ATF7: variants seen among roughly 807,000 people sequenced by gnomAD.
The protein encoded by ATF7 is activating transcription factor 7.
A neutral mutation model predicts 50.4 loss-of-function variants in ATF7; 10 were observed. The observed-to-expected ratio is 0.20, with a 90% CI of 0.12 to 0.34. The LOEUF (loss-of-function observed/expected upper bound fraction) is 0.34, where lower values mean the gene tolerates loss of function less well. ATF7 is among the 10% of genes least tolerant of loss of function. ATF7 has a pLI of 1.00. For synonymous variants in ATF7, 201 were observed against 226.4 expected (o/e 0.89, Z 1.01); for missense variants, 465 against 613.9 (o/e 0.76, Z 2.56).
chr12:53,560,110 G>C (rs1378221358), intron 2 of ATF7, among the ~76,000 whole-genome samples: 1 of 151,928 alleles, frequency 6.6e-6, no homozygotes, highest in East Asian at 1.9e-4. Flanking sequence ...TTTTAGTAGA[G>C]ACAGGGTTTC....
chr12:53,551,900 T>G lies in ATF7; in HGVS notation c.145+641A>C, dbSNP rs1940380671. 3.9e-5 allele frequency among the ~76,000 whole-genome samples: 6 copies of G among 152,218 alleles called. No homozygotes were observed. The South Asian group carries it at 1.2e-3, about 31-fold the overall frequency. On this transcript the variant is annotated intron_variant, in intron 3 of 11. Transcript: ENST00000420353. The stretch of plus-strand genomic sequence containing the variant: ...CTAGCTGAAAATGGTACAGCAGAAT[T>G]GCTGCCTGGTTTGAGAGCAGTTGCT...
chr12:53,542,827 G>T, intron 4 of ATF7: 1 of 664,588 alleles, frequency 1.5e-6, no homozygotes, highest in Non-Finnish European at 1.9e-6. Flanking sequence ...TATCTTTAAT[G>T]CTTTGAATAA....
intron 2 of ATF7, among the ~76,000 whole-genome samples, chr12:53,571,620 A>G (rs1187711744): frequency 6.6e-6 from 1 of 151,282 alleles, no homozygotes; most frequent in Non-Finnish European, 1.5e-5. Context: ...TGGGCAACAC[A>G]GTGAGACTCC....
intron 1 of ATF7, among the ~76,000 whole-genome samples, chr12:53,604,419 T>C (rs1943522668): frequency 6.6e-6 from 1 of 152,234 alleles, no homozygotes; most frequent in African/African-American, 2.4e-5. Flanking sequence ...ATGGTCACTG[T>C]GTAAGAAAAC....
At chr12:53,520,184 A>G (rs1024587610) in intron 11 of ATF7, among the ~76,000 whole-genome samples, 1 of 152,018 alleles carries the variant, frequency 6.6e-6, no homozygotes, top group African/African-American at 2.4e-5. Flanking sequence ...CATTTCTATG[A>G]ACTGTAAATG....
Position 53,513,692 on chromosome 12 carries a change from A to T in ATF7, c.*3445T>A, listed in dbSNP as rs746732217. ...AAGGAAGTTATGAAAAAAGGAGAAA[A>T]CTGGCGGGGATAGCTGTATCAGGGG... On this transcript the variant is annotated 3_prime_UTR_variant, in exon 12 of 12. Coordinates refer to ENST00000420353, the MANE Select transcript of ATF7 (RefSeq NM_006856.3). 13 of 152,034 alleles carry T rather than the reference A, an allele frequency of 8.6e-5. No homozygotes were observed. The highest frequency in any genetic ancestry group is 1.5e-4 in the Non-Finnish European group (10 of 68,006). 9.4% of individuals were successfully genotyped at this position (152,034 alleles called of 1,614,324 possible). A position where few individuals can be genotyped will look rare whatever the true frequency, so the allele number is the denominator to read the frequency against.
intron 3 of ATF7, among the ~76,000 whole-genome samples, chr12:53,549,069 G>A (rs543957892): frequency 3.7e-4 from 56 of 152,090 alleles, no homozygotes; most frequent in African/African-American, 1.1e-3. Context: ...GGCAGATCTC[G>A]AGGTCAGGAG....
At chr12:53,532,917 A>G (rs1322330830) in intron 7 of ATF7, among the ~76,000 whole-genome samples, 1 of 152,216 alleles carries the variant, frequency 6.6e-6, no homozygotes, top group Non-Finnish European at 1.5e-5. Flanking sequence ...GAAAGCAACT[A>G]ATCAGTGGGC....
intron 2 of ATF7, among the ~76,000 whole-genome samples, chr12:53,560,067 C>T (rs1310346901): frequency 6.6e-6 from 1 of 152,074 alleles, no homozygotes; most frequent in Non-Finnish European, 1.5e-5. Flanking sequence ...GAATTACAGG[C>T]ACCTGCCACC....
At chr12:53,518,221 T>C (rs944304020) in intron 11 of ATF7, among the ~76,000 whole-genome samples, 1 of 152,258 alleles carries the variant, frequency 6.6e-6, no homozygotes, top group Non-Finnish European at 1.5e-5. Context: ...GTAAGTCTGA[T>C]AGATATCAAG....
At chr12:53,554,148 T>C (rs1278955453) in intron 2 of ATF7, among the ~76,000 whole-genome samples, 4 of 151,352 alleles carry the variant, frequency 2.6e-5, no homozygotes, top group African/African-American at 9.7e-5. Flanking sequence ...TATTTATCTT[T>C]GAGACGGAGT....
intron 9 of ATF7, 47 bp downstream of exon 9, chr12:53,531,697 T>C: frequency 2.6e-6 from 4 of 1,547,324 alleles, no homozygotes; most frequent in Non-Finnish European, 3.5e-6. Context: ...AGATATGACA[T>C]AAAGATACGT....
intron 2 of ATF7, among the ~76,000 whole-genome samples, chr12:53,554,153 C>T (rs1041989272): frequency 5.3e-5 from 8 of 152,078 alleles, no homozygotes; most frequent in South Asian, 2.1e-4. Context: ...ATCTTTGAGA[C>T]GGAGTCTTGC....
intron 9 of ATF7, among the ~76,000 whole-genome samples, chr12:53,528,031 C>G (rs1487621566): frequency 6.6e-6 from 1 of 151,774 alleles, no homozygotes; most frequent in Admixed American, 6.6e-5. Context: ...TTAGTAGAGA[C>G]AGGGTTTCAC....
intron 1 of ATF7, among the ~76,000 whole-genome samples, chr12:53,625,524 G>A (rs753112376): frequency 6.6e-6 from 1 of 152,264 alleles, no homozygotes; most frequent in East Asian, 1.9e-4. Flanking sequence ...GCCTTATGGC[G>A]ACTCAGCTCA....
At chr12:53,573,490 A>C (rs1941885996) in intron 2 of ATF7, among the ~76,000 whole-genome samples, 1 of 152,212 alleles carries the variant, frequency 6.6e-6, no homozygotes, top group Admixed American at 6.5e-5. Context: ...CTTGGCAGGC[A>C]GCAAATTTAA....
At chr12:53,600,290 T>C (rs1023433361) in intron 2 of ATF7, among the ~76,000 whole-genome samples, 17 of 152,174 alleles carry the variant, frequency 1.1e-4, no homozygotes, top group African/African-American at 3.9e-4. Context: ...TCTCCAAATA[T>C]GTTAAGCAGA....
chr12:53,538,055 A>G (rs1404517575), intron 4 of ATF7, among the ~76,000 whole-genome samples: 1 of 152,148 alleles, frequency 6.6e-6, no homozygotes, highest in African/African-American at 2.4e-5. Flanking sequence ...TTCTGGCCAA[A>G]TCATTTTGTC....
intron 1 of ATF7, 126 bp from the exon 2 acceptor site, chr12:53,601,147 A>C: frequency 1.5e-6 from 1 of 678,034 alleles, no homozygotes. Flanking sequence ...CAAAGTTGTA[A>C]ACACAGGCTA....
Sources: gnomAD v4.1 joint callset for allele counts (sites outside exome capture counted in the v4.1 genomes callset) on GRCh38, gnomAD v4.1.1 for gene constraint, MANE v1.5 for transcripts, NCBI Gene and HGNC (gene_info 2026-07-23, HGNC 2026-07-21) for gene names.